PCDHGA3: variants seen among roughly 807,000 people sequenced by gnomAD.
PCDHGA3 encodes the protein protocadherin gamma-A3.
PCDHGA3 carries 40 observed loss-of-function variants against 58.5 expected under a neutral mutation model. The ratio of observed to expected loss-of-function variants is 0.68; its 90% CI spans 0.53 to 0.89. The LOEUF (loss-of-function observed/expected upper bound fraction) is 0.89. Ranked by LOEUF, PCDHGA3 falls within the 40% of genes least tolerant of loss-of-function variation. The probability of loss-of-function intolerance (pLI) is 0.00; values close to 1 mark genes in which losing one functional copy is unlikely to be tolerated. For synonymous variants in PCDHGA3, 530 were observed against 525.7 expected (o/e 1.01, Z -0.11); for missense variants, 1,223 against 1,195.9 (o/e 1.02, Z -0.33).
At chr5:141,492,216 C>T (rs1163022229) in intron 1 of PCDHGA3, among the ~76,000 whole-genome samples, 1 of 152,140 alleles carries the variant, frequency 6.6e-6, no homozygotes, top group Non-Finnish European at 1.5e-5. Context: ...GCGCGGGGCT[C>T]ATGCGTGTCC....
intron 1 of PCDHGA3, chr5:141,383,195 G>C: frequency 2.5e-6 from 4 of 1,614,044 alleles, no homozygotes; most frequent in Non-Finnish European, 3.4e-6. Flanking sequence ...TGCGCTCAGA[G>C]TGCGCGGTGT....
At chr5:141,446,798 T>C (rs1223789118) in intron 1 of PCDHGA3, among the ~76,000 whole-genome samples, 1 of 152,160 alleles carries the variant, frequency 6.6e-6, no homozygotes, top group Non-Finnish European at 1.5e-5. Flanking sequence ...AGTTCTTCCA[T>C]TGTGATCATC....
chr5:141,437,628 T>C (rs2097897572), intron 1 of PCDHGA3, among the ~76,000 whole-genome samples: 1 of 152,212 alleles, frequency 6.6e-6, no homozygotes, highest in African/African-American at 2.4e-5. Context: ...CCATATAAGA[T>C]GTCAGGTTCA....
chr5:141,408,144 G>A (rs868032463), intron 1 of PCDHGA3: 1 of 1,496,186 alleles, frequency 6.7e-7, no homozygotes, highest in Non-Finnish European at 8.9e-7. Flanking sequence ...CTTTTAGCGC[G>A]GTAGAGTGCA....
intron 1 of PCDHGA3, chr5:141,361,812 G>A (rs748753973): frequency 1.9e-6 from 3 of 1,613,072 alleles, no homozygotes; most frequent in Non-Finnish European, 1.7e-6. Context: ...ATGACAATGC[G>A]CCACGGGTGC....
rs746063311 is a variant in PCDHGA3, at chr5:141,376,553, G to C, written c.2424+30096G>C. 1.7e-5 allele frequency: 28 copies of C among 1,610,698 alleles called. No homozygotes were observed. The Admixed American group carries it at 2.2e-4, about 13-fold the overall frequency. On this transcript the variant is annotated intron_variant, in intron 1 of 3. Coordinates refer to ENST00000253812, the MANE Select transcript of PCDHGA3 (RefSeq NM_018916.4). ...GCGGGAAGAGTAATCTGATCTTCCC[G>C]CAACCCAACTAATCAGACAGGCTCA...
chr5:141,469,762 A>G (rs547099941), intron 1 of PCDHGA3, among the ~76,000 whole-genome samples: 15 of 152,360 alleles, frequency 9.8e-5, no homozygotes, highest in African/African-American at 3.4e-4. Flanking sequence ...ATACATATAT[A>G]CCAGCTTATT....
chr5:141,505,243 G>A (rs2099844728), intron 2 of PCDHGA3, 150 bp from the exon 3 acceptor site: 1 of 1,424,622 alleles, frequency 7.0e-7, no homozygotes, highest in Non-Finnish European at 9.4e-7. Flanking sequence ...CTGAAGGATT[G>A]TAGAAGTGCC....
At chr5:141,350,380 C>G in intron 1 of PCDHGA3, 1 of 1,589,508 alleles carries the variant, frequency 6.3e-7, no homozygotes, top group African/African-American at 1.3e-5. Context: ...AGGAGCTAGC[C>G]AACGGCTCAC....
chr5:141,346,442 T>C lies in PCDHGA3; in HGVS notation c.2409T>C (p.Asp803=). ...AGGATTTACTTGAAATGAAAGGAGA[T>C]TCCAACCTACTTCAGGTGAGTTTAT... ...ITQDLLEMKG[D]SNLLQQAPPN... The change falls in exon 1 of 4, where the codon GAT becomes GAC. Residue 803 remains aspartate (D), a synonymous_variant. Transcript: ENST00000253812. 1 of 1,614,232 alleles carries C rather than the reference T, an allele frequency of 6.2e-7. No individual in the cohort carries two copies. The highest frequency in any genetic ancestry group is 8.5e-7 in the Non-Finnish European group (1 of 1,180,046).
Position 141,497,143 on chromosome 5 carries a change from G to GA in PCDHGA3, c.2483+2287dup, listed in dbSNP as rs928640875. ...AGAGGTTGCAGTGAGCTGAGATCAC[G>GA]AAAAAAAAATAATCTAGCCACAAAT... On this transcript the variant is annotated intron_variant, in intron 2 of 3. Coordinates refer to ENST00000253812, the MANE Select transcript of PCDHGA3 (RefSeq NM_018916.4). 1.3e-3 allele frequency among the ~76,000 whole-genome samples: 194 copies of GA among 150,104 alleles called. 4 individuals are homozygous for GA. The highest frequency in any genetic ancestry group is 7.6e-3 in the Admixed American group (115 of 15,100).
intron 1 of PCDHGA3, among the ~76,000 whole-genome samples, chr5:141,406,629 A>G (rs2094832755): frequency 6.6e-6 from 1 of 152,188 alleles, no homozygotes; most frequent in Non-Finnish European, 1.5e-5. Context: ...TCATATCTTC[A>G]AAGGTCTTAA....
chr5:141,383,388 C>A (rs764387936), intron 1 of PCDHGA3: 106 of 1,613,860 alleles, frequency 6.6e-5, no homozygotes, highest in Non-Finnish European at 8.6e-5. Flanking sequence ...CAGATGTGGG[C>A]ACGAACTCCC....
intron 1 of PCDHGA3, chr5:141,389,914 C>A (rs754458764): frequency 1.2e-6 from 2 of 1,613,956 alleles, no homozygotes; most frequent in African/African-American, 2.7e-5. Flanking sequence ...ACTGACCGCC[C>A]CGACCCCTCT....
chr5:141,494,182 C>A (rs188628485), intron 1 of PCDHGA3, among the ~76,000 whole-genome samples: 1 of 152,126 alleles, frequency 6.6e-6, no homozygotes, highest in Non-Finnish European at 1.5e-5. Context: ...AGAAGTGTCC[C>A]GGGACTTGGA....
At position 141,393,264 on chromosome 5, in the gene PCDHGA3, C is replaced by G. The variant is rs537186931; in HGVS notation, c.2424+46807C>G. The G allele has an allele frequency of 1.1e-4, 170 of 1,613,916 alleles. 3 individuals carry two copies. The South Asian group carries it at 1.8e-3, about 17-fold the overall frequency. On this transcript the variant is annotated intron_variant, in intron 1 of 3. Coordinates refer to ENST00000253812, the MANE Select transcript of PCDHGA3 (RefSeq NM_018916.4). ...TAACGAAATCGCGGTTCCTGGAGCA[C>G]GTTATCCACTCCCAGAAGCTGTTGA...
At chr5:141,424,776 A>C (rs1406581367) in intron 1 of PCDHGA3, 2 of 152,154 alleles carry the variant, frequency 1.3e-5, no homozygotes, top group African/African-American at 4.8e-5. Context: ...CAAATAGTAC[A>C]TTCAGTTCTT....
rs749252261 is a variant in PCDHGA3 at position 141,366,393 on chromosome 5, A to C, written c.2424+19936A>C. ...ACCCCCATTGACCCTGAGGATCTGG[A>C]CCTCACACTCTATCTTGTGGTGGCA... On this transcript the variant is annotated intron_variant, in intron 1 of 3. Transcript: ENST00000253812. 11 of 1,614,004 alleles carry C rather than the reference A, an allele frequency of 6.8e-6. 1 individual carries two copies. Among genetic ancestry groups the C allele is most frequent in the African/African-American group, 4.0e-5 (3 of 74,938 alleles).
At chr5:141,509,153 C>G (rs2099875485) in intron 3 of PCDHGA3, among the ~76,000 whole-genome samples, 2 of 152,190 alleles carry the variant, frequency 1.3e-5, no homozygotes, top group Non-Finnish European at 2.9e-5. Context: ...CGGCTCTCCC[C>G]TCCCGTGTGC....
Sources: gnomAD v4.1 joint callset for allele counts (sites outside exome capture counted in the v4.1 genomes callset) on GRCh38, gnomAD v4.1.1 for gene constraint, MANE v1.5 for transcripts, NCBI Gene and HGNC (gene_info 2026-07-23, HGNC 2026-07-21) for gene names.